Variants in CREB5 observed in about 807,000 individuals in gnomAD.
The protein encoded by CREB5 is cAMP responsive element binding protein 5.
Under a neutral mutation model 57.1 loss-of-function variants are expected in CREB5, and 19 were observed. The observed-to-expected ratio is 0.33, with a 90% CI of 0.23 to 0.49. CREB5 has a LOEUF of 0.49. CREB5 is among the 20% of genes least tolerant of loss of function. The probability of loss-of-function intolerance (pLI) is 0.99; values close to 1 mark genes in which losing one functional copy is unlikely to be tolerated. For synonymous variants in CREB5, 238 were observed against 238.3 expected (o/e 1.00, Z 0.01); for missense variants, 579 against 671.6 (o/e 0.86, Z 1.52).
intron 1 of CREB5, among the ~76,000 whole-genome samples, chr7:28,452,008 C>T (rs1445410854): frequency 1.3e-5 from 2 of 152,188 alleles, no homozygotes; most frequent in African/African-American, 4.8e-5. Flanking sequence ...GCTCCCTTTA[C>T]CGAGGGAGAA....
chr7:28,597,358 G>A (rs1796724650), intron 5 of CREB5, among the ~76,000 whole-genome samples: 1 of 152,122 alleles, frequency 6.6e-6, no homozygotes, highest in Admixed American at 6.5e-5. Flanking sequence ...CTGATCTCCT[G>A]GTCTTGGTCT....
intron 5 of CREB5, among the ~76,000 whole-genome samples, chr7:28,629,366 C>T (rs770682578): frequency 1.8e-4 from 28 of 152,306 alleles, no homozygotes; most frequent in Admixed American, 3.9e-4. Context: ...TGGAATCAGA[C>T]GCCCAGCGTG....
At chr7:28,700,364 G>A (rs1014666583) in intron 5 of CREB5, among the ~76,000 whole-genome samples, 1 of 151,872 alleles carries the variant, frequency 6.6e-6, no homozygotes, top group African/African-American at 2.4e-5. Flanking sequence ...CACTTTGAGG[G>A]GTATCTCCCA....
intron 4 of CREB5, among the ~76,000 whole-genome samples, chr7:28,510,353 C>A (rs1297255778): frequency 1.3e-5 from 2 of 152,144 alleles, no homozygotes; most frequent in African/African-American, 4.8e-5. Context: ...TAGTTGTCTT[C>A]TGATTTCTTT....
Position 28,642,995 on chromosome 7 carries a change from C to CACAT in CREB5, c.464+72461_464+72462insTACA, listed in dbSNP as rs1562544818. Among the ~76,000 whole-genome samples the CACAT allele has an allele frequency of 2.6e-4, 24 of 92,228 alleles. 1 individual carries two copies. The highest frequency in any genetic ancestry group is 9.6e-4 in the Admixed American group (10 of 10,468). 60.5% of individuals were successfully genotyped at this position (92,228 alleles called of 152,430 possible). On this transcript the variant is annotated intron_variant, in intron 5 of 10. Transcript: ENST00000357727. ...ACACACACACACACACATACACACA[C>CACAT]ACACACACACACACACACACACACA...
intron 6 of CREB5, among the ~76,000 whole-genome samples, chr7:28,722,764 A>C (rs1292257212): frequency 6.6e-6 from 1 of 152,194 alleles, no homozygotes. Context: ...ACACATCTGC[A>C]CACTGCCAGA....
chr7:28,640,251 C>T (rs140517416), intron 5 of CREB5, among the ~76,000 whole-genome samples: 14 of 152,294 alleles, frequency 9.2e-5, no homozygotes, highest in Admixed American at 7.2e-4. Flanking sequence ...ATGGAGCAAC[C>T]TTTACTGCCC....
chr7:28,747,439 C>T (rs187428009), intron 7 of CREB5, among the ~76,000 whole-genome samples: 134 of 152,330 alleles, frequency 8.8e-4, no homozygotes, highest in African/African-American at 2.9e-3. Flanking sequence ...AGACAGTTAT[C>T]TGTAGCACAG....
At chr7:28,480,621 T>C (rs1167874313) in intron 1 of CREB5, among the ~76,000 whole-genome samples, 1 of 152,228 alleles carries the variant, frequency 6.6e-6, no homozygotes, top group Non-Finnish European at 1.5e-5. Context: ...GCTAAATTAT[T>C]TGGTTACATT....
intron 7 of CREB5, among the ~76,000 whole-genome samples, chr7:28,768,168 G>A (rs370972800): frequency 1.3e-5 from 2 of 152,298 alleles, no homozygotes; most frequent in African/African-American, 4.8e-5. Context: ...TTCCAGAGTA[G>A]GGGGTGAATG....
At chr7:28,317,428 C>T (rs935696315) in intron 1 of CREB5, among the ~76,000 whole-genome samples, 1 of 152,212 alleles carries the variant, frequency 6.6e-6, no homozygotes, top group African/African-American at 2.4e-5. Flanking sequence ...TTTGAGTGGG[C>T]AGGGGAAGAG....
At chr7:28,764,175 A>G (rs1183877348) in intron 7 of CREB5, among the ~76,000 whole-genome samples, 3 of 152,140 alleles carry the variant, frequency 2.0e-5, no homozygotes, top group Non-Finnish European at 4.4e-5. Flanking sequence ...TTCAAGGACT[A>G]CTCAGTAGAT....
At chr7:28,384,471 T>C (rs1253918403) in intron 1 of CREB5, among the ~76,000 whole-genome samples, 1 of 152,102 alleles carries the variant, frequency 6.6e-6, no homozygotes, top group African/African-American at 2.4e-5. Context: ...TCCAATGAGG[T>C]TCCCATCCTT....
At chr7:28,741,399 G>A (rs997727349) in intron 7 of CREB5, among the ~76,000 whole-genome samples, 1 of 146,858 alleles carries the variant, frequency 6.8e-6, no homozygotes, top group African/African-American at 2.5e-5. Context: ...TGCCATCCCT[G>A]AGGACAACAC....
At chr7:28,601,022 T>C (rs1292253942) in intron 5 of CREB5, among the ~76,000 whole-genome samples, 1 of 152,134 alleles carries the variant, frequency 6.6e-6, no homozygotes, top group Non-Finnish European at 1.5e-5. Context: ...GTTGGGGGCA[T>C]TCAATTAAAA....
chr7:28,462,108 T>C (rs1049632777), intron 1 of CREB5, among the ~76,000 whole-genome samples: 5 of 152,154 alleles, frequency 3.3e-5, no homozygotes, highest in African/African-American at 1.2e-4. Flanking sequence ...ACCATTAATC[T>C]ACTTTCTGTC....
intron 1 of CREB5, among the ~76,000 whole-genome samples, chr7:28,340,207 A>G (rs921063201): frequency 1.3e-5 from 2 of 151,854 alleles, no homozygotes; most frequent in African/African-American, 2.4e-5. Context: ...AAGCAGAAGG[A>G]ATCTCTCCTC....
intron 4 of CREB5, among the ~76,000 whole-genome samples, chr7:28,525,952 A>G (rs1301944560): frequency 6.6e-6 from 1 of 152,174 alleles, no homozygotes; most frequent in East Asian, 1.9e-4. Context: ...GGGGTTCTCG[A>G]TAATTCTAAT....
intron 1 of CREB5, among the ~76,000 whole-genome samples, chr7:28,397,646 G>T (rs1299641565): frequency 1.3e-5 from 2 of 152,200 alleles, no homozygotes. Flanking sequence ...TTGGTGGTTT[G>T]TACATGAAAT....
Sources: allele counts gnomAD v4.1 joint callset (sites outside exome capture counted in the v4.1 genomes callset), GRCh38; gene constraint gnomAD v4.1.1; transcripts MANE v1.5; gene names NCBI Gene and HGNC (gene_info 2026-07-23, HGNC 2026-07-21).